The following CDH9 variants were observed in gnomAD, a reference collection of about 807,000 sequenced individuals.
CDH9 encodes the protein cadherin 9.
Under a neutral mutation model 70.9 loss-of-function variants are expected in CDH9, and 28 were observed. The ratio of observed to expected loss-of-function variants is 0.40; its 90% CI spans 0.29 to 0.54. The LOEUF (loss-of-function observed/expected upper bound fraction) is 0.54. Ranked by LOEUF, CDH9 falls within the 20% of genes least tolerant of loss-of-function variation. The pLI is 0.59. For synonymous variants in CDH9, 409 were observed against 343.1 expected, an observed-to-expected ratio of 1.19 and a Z score of -2.12; for missense variants, 874 against 984.4, an observed-to-expected ratio of 0.89 and a Z score of 1.50.
At chr5:26,994,900 C>T (rs1024606351) in intron 1 of CDH9, among the ~76,000 whole-genome samples, 1 of 152,114 alleles carries the variant, frequency 6.6e-6, no homozygotes, top group African/African-American at 2.4e-5. Flanking sequence ...CATCCATAGC[C>T]ATCTCCTCAT....
intron 2 of CDH9, among the ~76,000 whole-genome samples, chr5:26,962,310 A>C (rs953139603): frequency 6.6e-6 from 1 of 152,160 alleles, no homozygotes; most frequent in African/African-American, 2.4e-5. Context: ...TTATAGTAGA[A>C]TGATTTATAA....
At chr5:26,943,470 G>A (rs539750203) in intron 2 of CDH9, among the ~76,000 whole-genome samples, 16 of 148,252 alleles carry the variant, frequency 1.1e-4, no homozygotes, top group South Asian at 2.1e-4. Flanking sequence ...CTGAGATCAC[G>A]CCACTGCACT....
chr5:27,024,215 C>T (rs1472035208), intron 1 of CDH9, among the ~76,000 whole-genome samples: 3 of 151,930 alleles, frequency 2.0e-5, no homozygotes, highest in Non-Finnish European at 2.9e-5. Context: ...TTCATACTCT[C>T]ATAAATAGAG....
chr5:26,918,304 G>T (rs1741182183), intron 2 of CDH9, among the ~76,000 whole-genome samples: 1 of 151,922 alleles, frequency 6.6e-6, no homozygotes. Context: ...CCTTAGGGAG[G>T]CCTTTCCTGA....
intron 1 of CDH9, among the ~76,000 whole-genome samples, chr5:27,027,804 T>C (rs1743244676): frequency 2.6e-5 from 4 of 152,048 alleles, no homozygotes; most frequent in African/African-American, 7.2e-5. Context: ...GGTCTCCACA[T>C]GCATGGGGCT....
At chr5:26,938,304 A>G (rs1579462975) in intron 2 of CDH9, among the ~76,000 whole-genome samples, 1 of 151,798 alleles carries the variant, frequency 6.6e-6, no homozygotes, top group South Asian at 2.1e-4. Context: ...TTACACATAT[A>G]TTATAAATCA....
intron 2 of CDH9, among the ~76,000 whole-genome samples, chr5:26,965,476 T>G (rs1196511050): frequency 6.6e-6 from 1 of 151,658 alleles, no homozygotes; most frequent in East Asian, 1.9e-4. Flanking sequence ...CTCGGGAGGC[T>G]GAGGCAGGAG....
chr5:26,935,877 G>A (rs1030684938), intron 2 of CDH9, among the ~76,000 whole-genome samples: 5 of 150,268 alleles, frequency 3.3e-5, no homozygotes, highest in Non-Finnish European at 7.4e-5. Flanking sequence ...ATCAACAAAT[G>A]AATAAAGTGG....
intron 1 of CDH9, among the ~76,000 whole-genome samples, chr5:27,003,018 A>G (rs2112107640): frequency 6.6e-6 from 1 of 152,290 alleles, no homozygotes; most frequent in Admixed American, 6.5e-5. Context: ...CAGGTTGAAT[A>G]TTCTTTAAAT....
intron 1 of CDH9, among the ~76,000 whole-genome samples, chr5:27,004,144 T>C (rs1203948023): frequency 6.7e-6 from 1 of 148,602 alleles, no homozygotes; most frequent in Non-Finnish European, 1.5e-5. Flanking sequence ...GGCCTCTCTC[T>C]TATGGTGACA....
chr5:26,900,641 T>G (rs1244196745), intron 7 of CDH9, among the ~76,000 whole-genome samples: 1 of 152,118 alleles, frequency 6.6e-6, no homozygotes, highest in Non-Finnish European at 1.5e-5. Flanking sequence ...TTTCATCATC[T>G]AAGTTGATAT....
At chr5:26,933,065 C>A (rs950031257) in intron 2 of CDH9, among the ~76,000 whole-genome samples, 2 of 145,550 alleles carry the variant, frequency 1.4e-5, no homozygotes, top group African/African-American at 5.0e-5. Context: ...AAATATAATT[C>A]TATTTATATT....
chr5:26,960,364 G>A lies in CDH9; in HGVS notation c.228+27742C>T, dbSNP rs111384432. On this transcript the variant is annotated intron_variant, in intron 2 of 11. Transcript: ENST00000231021. ...CCCATATGCTGCTTCTAAAATAACCGAAAGGTTTAGACAACATAAAACTTT... is the reference window on the plus strand; with the variant it reads ...CCCATATGCTGCTTCTAAAATAACCAAAAGGTTTAGACAACATAAAACTTT... Among the ~76,000 whole-genome samples, 967 of 151,968 alleles carry A rather than the reference G, an allele frequency of 6.4e-3. 7 individuals are homozygous for A. The highest frequency in any genetic ancestry group is 7.7e-3 in the African/African-American group (318 of 41,508).
chr5:27,017,805 A>G (rs1183420711), intron 1 of CDH9, among the ~76,000 whole-genome samples: 1 of 152,036 alleles, frequency 6.6e-6, no homozygotes, highest in Non-Finnish European at 1.5e-5. Flanking sequence ...AGAAGCTGGC[A>G]GGAATCCAGC....
At chr5:26,996,466 C>G (rs1404591934) in intron 1 of CDH9, among the ~76,000 whole-genome samples, 1 of 151,914 alleles carries the variant, frequency 6.6e-6, no homozygotes, top group Non-Finnish European at 1.5e-5. Context: ...TTTTCCAATA[C>G]TCTGTTTTGT....
chr5:26,984,079 C>T (rs920726689), intron 2 of CDH9, among the ~76,000 whole-genome samples: 1 of 152,028 alleles, frequency 6.6e-6, no homozygotes, highest in Non-Finnish European at 1.5e-5. Context: ...CCAATTGTAA[C>T]CATGAAGGCA....
chr5:26,972,829 A>T (rs954099066), intron 2 of CDH9, among the ~76,000 whole-genome samples: 3 of 151,938 alleles, frequency 2.0e-5, no homozygotes, highest in African/African-American at 7.3e-5. Context: ...CTTAATCTTG[A>T]TGCTGCTAAC....
intron 2 of CDH9, among the ~76,000 whole-genome samples, chr5:26,975,667 A>G (rs1207370191): frequency 6.6e-6 from 1 of 152,234 alleles, no homozygotes; most frequent in African/African-American, 2.4e-5. Flanking sequence ...ATTGAGGATT[A>G]TTAAGAAAGT....
At chr5:26,945,805 T>C (rs761578374) in intron 2 of CDH9, among the ~76,000 whole-genome samples, 1 of 152,130 alleles carries the variant, frequency 6.6e-6, no homozygotes, top group South Asian at 2.1e-4. Flanking sequence ...CTAAGTCAAA[T>C]AAAGAATATG....
Sources: allele counts gnomAD v4.1 joint callset (sites outside exome capture counted in the v4.1 genomes callset), GRCh38; gene constraint gnomAD v4.1.1; transcripts MANE v1.5; gene names NCBI Gene and HGNC (gene_info 2026-07-23, HGNC 2026-07-21).